Variants in CNR2 observed in about 807,000 individuals in gnomAD.
The protein encoded by CNR2 is cannabinoid receptor 2.
For missense variants in CNR2, 379 were observed against 439.9 expected (o/e 0.86, Z 1.24); for synonymous variants, 172 against 182.2 (o/e 0.94, Z 0.45).
intron 1 of CNR2, among the ~76,000 whole-genome samples, chr1:23,876,195 TTTTATTTA>T (rs150599301): frequency 2.7e-5 from 4 of 147,542 alleles, no homozygotes; most frequent in Non-Finnish European, 4.5e-5. Context: ...TTATTTTAAT[TTTTATTTA>T]TTTATTTATT....
chr1:23,912,098 G>A (rs1426019066), intron 1 of CNR2, among the ~76,000 whole-genome samples: 1 of 152,108 alleles, frequency 6.6e-6, no homozygotes, highest in Non-Finnish European at 1.5e-5. Flanking sequence ...CAGTTGACTC[G>A]CAACAAGCCT....
At chr1:23,896,245 G>T (rs9424338) in intron 1 of CNR2, among the ~76,000 whole-genome samples, 121,327 of 152,198 alleles carry the variant, frequency 0.8, 48,530 homozygotes, top group Admixed American at 0.82. Context: ...TACCCATCAG[G>T]CTGTTGGGCT....
chr1:23,901,631 C>G, intron 1 of CNR2: 1 of 1,572,848 alleles, frequency 6.4e-7, no homozygotes, highest in African/African-American at 1.3e-5. Context: ...CAGAACAGCA[C>G]TGGCCATGTA....
At chr1:23,911,929 C>T (rs571938648) in intron 1 of CNR2, among the ~76,000 whole-genome samples, 2 of 152,248 alleles carry the variant, frequency 1.3e-5, no homozygotes, top group Non-Finnish European at 2.9e-5. Context: ...TTTCATGCTG[C>T]CAACGTGTCT....
chr1:23,892,544 GCTT>G (rs1640207882), intron 1 of CNR2, among the ~76,000 whole-genome samples: 1 of 152,194 alleles, frequency 6.6e-6, no homozygotes, highest in Non-Finnish European at 1.5e-5. Context: ...CCACTTCTGT[GCTT>G]CTTTTTCCCT....
At chr1:23,885,490 A>G (rs114121816) in intron 1 of CNR2, among the ~76,000 whole-genome samples, 252 of 152,260 alleles carry the variant, frequency 1.7e-3, no homozygotes, top group African/African-American at 5.1e-3. Context: ...ACTATCATAC[A>G]TGGAAGTGTT....
chr1:23,891,688 C>T (rs983822178), intron 1 of CNR2, among the ~76,000 whole-genome samples: 4 of 151,794 alleles, frequency 2.6e-5, no homozygotes, highest in Non-Finnish European at 4.4e-5. Context: ...AAACCCACCT[C>T]CTCCAAGAAG....
chr1:23,904,467 C>T (rs540018645), intron 1 of CNR2, among the ~76,000 whole-genome samples: 1 of 152,144 alleles, frequency 6.6e-6, no homozygotes, highest in South Asian at 2.1e-4. Flanking sequence ...AGCCACTGCA[C>T]CTAGCTAATC....
intron 1 of CNR2, among the ~76,000 whole-genome samples, chr1:23,890,062 G>C (rs1264504950): frequency 6.6e-6 from 1 of 151,708 alleles, no homozygotes; most frequent in Non-Finnish European, 1.5e-5. Flanking sequence ...TTGAGCCCAG[G>C]AATAGCCTGG....
intron 1 of CNR2, among the ~76,000 whole-genome samples, chr1:23,910,669 A>AG (rs1190894150): frequency 1.3e-5 from 2 of 150,354 alleles, no homozygotes; most frequent in South Asian, 2.1e-4. Context: ...AAAAAAAAAA[A>AG]AAAAAAAAAA....
chr1:23,900,075 A>T (rs2148468647), intron 1 of CNR2, among the ~76,000 whole-genome samples: 1 of 151,414 alleles, frequency 6.6e-6, no homozygotes, highest in African/African-American at 2.4e-5. Context: ...TCCTGCGATC[A>T]GTGCTTGAGA....
chr1:23,913,081 C>T (rs1570727980), intron 1 of CNR2, among the ~76,000 whole-genome samples, 165 bp downstream of exon 1: 1 of 47,688 alleles, frequency 2.1e-5, no homozygotes, highest in South Asian at 1.7e-3. Context: ...GCAGGAGAAT[C>T]GCTTGAACCT....
intron 1 of CNR2, among the ~76,000 whole-genome samples, chr1:23,912,449 A>T (rs1336050825): frequency 1.3e-5 from 2 of 152,220 alleles, no homozygotes; most frequent in Non-Finnish European, 2.9e-5. Flanking sequence ...CACACCTCGT[A>T]AGGCAGGATA....
rs55955111 is a variant in CNR2 at position 23,906,546 on chromosome 1, C to CTT, written c.-46+6698_-46+6699dup. Among the ~76,000 whole-genome samples the CTT allele has an allele frequency of 2.4e-3, 324 of 132,306 alleles. 4 individuals are homozygous for CTT. The highest frequency in any genetic ancestry group is 8.4e-3 in the East Asian group (39 of 4,638). The allele number at this position is 132,306 out of a possible 152,430, so 86.8% of individuals were successfully genotyped here. A position where few individuals can be genotyped will look rare whatever the true frequency, so the allele number is the denominator to read the frequency against. ...TTTCCTATCTTTCTTTTTTTTCTTT[C>CTT]TTTTTTTTTTTTTAGAGATGGAGTT... On this transcript the variant is annotated intron_variant, in intron 1 of 1. Coordinates refer to ENST00000374472, the MANE Select transcript of CNR2 (RefSeq NM_001841.3).
At chr1:23,901,103 T>G (rs1376838927) in intron 1 of CNR2, among the ~76,000 whole-genome samples, 1 of 152,098 alleles carries the variant, frequency 6.6e-6, no homozygotes, top group African/African-American at 2.4e-5. Flanking sequence ...TTTTTGCCGA[T>G]TTTAGATTTG....
intron 1 of CNR2, among the ~76,000 whole-genome samples, chr1:23,877,284 A>T (rs1639900658): frequency 6.6e-6 from 1 of 152,194 alleles, no homozygotes; most frequent in African/African-American, 2.4e-5. Context: ...GAAAAAAGAG[A>T]TCCTTAAGGG....
intron 1 of CNR2, chr1:23,902,762 G>A (rs1640422419): frequency 2.9e-5 from 43 of 1,503,842 alleles, no homozygotes; most frequent in Non-Finnish European, 3.5e-5. Flanking sequence ...GGGGCTCTCC[G>A]GGTGGTTGTT....
chr1:23,900,475 C>T (rs187392418), intron 1 of CNR2, among the ~76,000 whole-genome samples: 4 of 149,178 alleles, frequency 2.7e-5, no homozygotes, highest in African/African-American at 9.9e-5. Context: ...CTCTCTTATA[C>T]TTCTGGGCAA....
intron 1 of CNR2, among the ~76,000 whole-genome samples, chr1:23,896,881 G>GTTTTTTTTTTTTTT (rs5773060): frequency 3.5e-5 from 5 of 141,802 alleles, no homozygotes; most frequent in Non-Finnish European, 3.0e-5. Flanking sequence ...CACCAGGAGT[G>GTTTTTTTTTTTTTT]TTTTTTTTTT....
Sources: allele counts gnomAD v4.1 joint callset (sites outside exome capture counted in the v4.1 genomes callset), GRCh38; gene constraint gnomAD v4.1.1; transcripts MANE v1.5; gene names NCBI Gene and HGNC (gene_info 2026-07-23, HGNC 2026-07-21).